Variants in TBC1D19 observed in about 807,000 individuals in gnomAD.
The protein encoded by TBC1D19 is TBC1 domain family member 19, also known as TBC1 domain family, member 19.
A neutral mutation model predicts 89.0 loss-of-function variants in TBC1D19; 60 were observed. The observed-to-expected ratio is 0.67, with a 90% CI of 0.55 to 0.84. The LOEUF (loss-of-function observed/expected upper bound fraction) is 0.84. TBC1D19 is among the 40% of genes least tolerant of loss of function. TBC1D19 has a pLI of 0.00. For synonymous variants in TBC1D19, 189 were observed against 199.7 expected (o/e 0.95, Z 0.45); for missense variants, 500 against 610.8 (o/e 0.82, Z 1.91).
intron 13 of TBC1D19, among the ~76,000 whole-genome samples, chr4:26,693,687 C>T (rs35943553): frequency 0.46 from 68,768 of 149,824 alleles, 17,469 homozygotes; most frequent in Admixed American, 0.61. Flanking sequence ...AGGTGAGACC[C>T]GGTCTAAAAA....
intron 1 of TBC1D19, among the ~76,000 whole-genome samples, chr4:26,588,213 G>A (rs1235311774): frequency 6.6e-6 from 1 of 151,882 alleles, no homozygotes; most frequent in East Asian, 1.9e-4. Flanking sequence ...TTTTAGTAGA[G>A]ACAGGATTTC....
intron 15 of TBC1D19, among the ~76,000 whole-genome samples, chr4:26,730,067 TAGG>T (rs895360651): frequency 2.0e-5 from 3 of 152,032 alleles, no homozygotes; most frequent in Non-Finnish European, 2.9e-5. Flanking sequence ...GGATACCAAT[TAGG>T]AGGCTCTTAC....
At chr4:26,621,988 C>T (rs913656433) in intron 4 of TBC1D19, among the ~76,000 whole-genome samples, 1 of 151,220 alleles carries the variant, frequency 6.6e-6, no homozygotes, top group African/African-American at 2.4e-5. Context: ...CAAACTATTG[C>T]AAGGACAAAA....
At chr4:26,613,369 CT>C in intron 2 of TBC1D19, 128 bp downstream of exon 2, 1 of 584,348 alleles carries the variant, frequency 1.7e-6, no homozygotes. Context: ...TTGTTTTAGG[CT>C]TTTAGCAGCC....
chr4:26,683,564 C>T, intron 11 of TBC1D19, 111 bp from the exon 12 acceptor site: 1 of 763,972 alleles, frequency 1.3e-6, no homozygotes, highest in Non-Finnish European at 2.1e-6. Flanking sequence ...TAGTGCCTAA[C>T]ACTGAGTTCC....
downstream of TBC1D19, among the ~76,000 whole-genome samples, chr4:26,759,184 C>T (rs1719375503): frequency 6.6e-6 from 1 of 152,160 alleles, no homozygotes; most frequent in Admixed American, 6.5e-5. Context: ...TCTTTCACTC[C>T]CACTAGACTG....
At chr4:26,842,582 C>CT in the TBC1D19 span, among the ~76,000 whole-genome samples, 91 of 95,462 alleles carry the variant, frequency 9.5e-4, 1 homozygote, top group African/African-American at 3.0e-3. Context: ...CTTCCTCCCT[C>CT]CCTTTCTTTC....
the TBC1D19 span, among the ~76,000 whole-genome samples, chr4:26,781,323 G>A: frequency 6.6e-6 from 1 of 152,192 alleles, no homozygotes; most frequent in Non-Finnish European, 1.5e-5. Context: ...AACAAAGTGA[G>A]GCTCTCAAGT....
the TBC1D19 span, among the ~76,000 whole-genome samples, chr4:26,779,050 C>T: frequency 2.0e-4 from 31 of 152,244 alleles, no homozygotes; most frequent in South Asian, 1.9e-3. Flanking sequence ...TAAAACAGTA[C>T]GGTTAGTCCT....
At chr4:26,847,906 C>T in the TBC1D19 span, among the ~76,000 whole-genome samples, 1 of 152,164 alleles carries the variant, frequency 6.6e-6, no homozygotes, top group Non-Finnish European at 1.5e-5. Flanking sequence ...TGGGGACTAT[C>T]AGGAGAAGTA....
intron 13 of TBC1D19, among the ~76,000 whole-genome samples, chr4:26,710,326 C>T (rs893300171): frequency 2.8e-4 from 42 of 152,282 alleles, no homozygotes; most frequent in African/African-American, 1.0e-3. Flanking sequence ...ATGATGGTTT[C>T]TAGCTTCATC....
At chr4:26,684,625 T>C (rs1342127461) in intron 12 of TBC1D19, among the ~76,000 whole-genome samples, 1 of 152,116 alleles carries the variant, frequency 6.6e-6, no homozygotes, top group African/African-American at 2.4e-5. Flanking sequence ...ATGTGTAATA[T>C]AGGATATGAA....
rs543466906 is a variant in TBC1D19 at position 26,739,813 on chromosome 4, C to T, written c.1118-51C>T. ...ATTATGACATATTTTATAAATTTAT[C>T]TTAACATTTCAGTAGTTCTGCAGTA... On this transcript the variant is annotated intron_variant, in intron 16 of 20. Coordinates refer to ENST00000264866, the MANE Select transcript of TBC1D19 (RefSeq NM_018317.4). The T allele has an allele frequency of 6.8e-5, 69 of 1,020,156 alleles. No individual in the cohort carries two copies. In the African/African-American group the frequency reaches 9.0e-4, roughly 13 times the overall value. The allele number at this position is 1,020,156 out of a possible 1,614,324, so 63.2% of individuals were successfully genotyped here. A position where few individuals can be genotyped will look rare whatever the true frequency, so the allele number is the denominator to read the frequency against.
At chr4:26,797,112 T>G in the TBC1D19 span, among the ~76,000 whole-genome samples, 2 of 152,198 alleles carry the variant, frequency 1.3e-5, no homozygotes, top group African/African-American at 4.8e-5. Context: ...ACCGATGACA[T>G]GATTGTATAC....
At chr4:26,728,802 A>G (rs1717476697) in intron 15 of TBC1D19, among the ~76,000 whole-genome samples, 1 of 151,980 alleles carries the variant, frequency 6.6e-6, no homozygotes, top group Non-Finnish European at 1.5e-5. Context: ...TCACGAGGTC[A>G]GGAGATCGAG....
At chr4:26,683,081 C>T (rs1166358940) in intron 11 of TBC1D19, among the ~76,000 whole-genome samples, 1 of 152,070 alleles carries the variant, frequency 6.6e-6, no homozygotes, top group East Asian at 1.9e-4. Flanking sequence ...TAAAAGCTGA[C>T]TTTATATCCT....
intron 4 of TBC1D19, among the ~76,000 whole-genome samples, chr4:26,629,347 G>C (rs930626664): frequency 6.6e-6 from 1 of 151,988 alleles, no homozygotes; most frequent in African/African-American, 2.4e-5. Context: ...TCCTCCACAG[G>C]AGAGGCCCCC....
intron 15 of TBC1D19, among the ~76,000 whole-genome samples, chr4:26,725,098 A>G (rs749823196): frequency 3.6e-4 from 55 of 152,146 alleles, no homozygotes; most frequent in Admixed American, 7.2e-4. Flanking sequence ...TTGATACAAG[A>G]TCCCCCTGGT....
chr4:26,654,316 T>C (rs1310068892), intron 7 of TBC1D19, among the ~76,000 whole-genome samples: 1 of 152,206 alleles, frequency 6.6e-6, no homozygotes, highest in Admixed American at 6.5e-5. Flanking sequence ...ATATTTTCCT[T>C]CATTTCAACT....
Sources: allele counts gnomAD v4.1 joint callset (sites outside exome capture counted in the v4.1 genomes callset), GRCh38; gene constraint gnomAD v4.1.1; transcripts MANE v1.5; gene names NCBI Gene and HGNC (gene_info 2026-07-23, HGNC 2026-07-21).